ZNF716: variants seen among roughly 807,000 people sequenced by gnomAD.
The protein encoded by ZNF716 is zinc finger protein 716.
In ZNF716, 9 loss-of-function variants were observed where a neutral mutation model predicts 13.4. That is an observed-to-expected ratio of 0.67 (90% CI 0.41 to 1.18). The LOEUF is 1.18. Among genes scored for constraint, ZNF716 ranks in the 50% most tolerant of loss-of-function variants. The pLI is 0.01. For missense variants in ZNF716, 581 were observed against 576.6 expected (o/e 1.01, Z -0.08); for synonymous variants, 186 against 195.2 (o/e 0.95, Z 0.39).
rs1554324631 is a variant in ZNF716 at position 57,469,053 on chromosome 7, T to C, written c.592T>C (p.Ser198Pro). Residue 198 changes from serine (S) to proline (P), a missense_variant, in exon 4 of 4, where the codon TCA (serine) becomes CCA (proline). Ser to Pro is a moderately conservative substitution (Grantham distance 74, BLOSUM62 -1). Transcript: ENST00000420713. ...KNDGKSFCML[S>P]RLNQHQIIHT... ...CGATGGCAAATCATTTTGCATGCTT[T>C]CACGCCTAAATCAACATCAGATAAT... 4 of 1,607,528 alleles carry C rather than the reference T, an allele frequency of 2.5e-6. No individual in the cohort carries two copies. Among genetic ancestry groups the C allele is most frequent in the Middle Eastern group, 1.6e-4 (1 of 6,080 alleles).
At chr7:57,452,105 T>C (rs1554321638) in intron 1 of ZNF716, among the ~76,000 whole-genome samples, 1 of 152,198 alleles carries the variant, frequency 6.6e-6, no homozygotes, top group Admixed American at 6.5e-5. Flanking sequence ...TCAACCATTC[T>C]GTTCTCACAG....
rs149866687 is a variant in ZNF716 at position 57,452,978 on chromosome 7, G to A, written c.39+2651G>A. Among the ~76,000 whole-genome samples the A allele has an allele frequency of 1.8e-3, 279 of 152,132 alleles. 3 individuals are homozygous for A. Among genetic ancestry groups the A allele is most frequent in the African/African-American group, 6.1e-3 (254 of 41,512 alleles). ...CAAATGGATGCCTGGGGCTGAGAGT[G>A]ATCTCCTGGTATACTCTTCCTGTAA... On this transcript the variant is annotated intron_variant, in intron 1 of 3. Transcript: ENST00000420713.
rs147515541 is a variant in ZNF716, at chr7:57,462,002, A to G, written c.40-458A>G. On this transcript the variant is annotated intron_variant, in intron 1 of 3. Transcript: ENST00000420713. ...TTGTGAAACCCTGTCTCTACTAAAAATACAAAAATTAGCCAGGCATGGTGG... is the reference window on the plus strand; with the variant it reads ...TTGTGAAACCCTGTCTCTACTAAAAGTACAAAAATTAGCCAGGCATGGTGG... Among the ~76,000 whole-genome samples, 1,129 of 152,122 alleles carry G rather than the reference A, an allele frequency of 7.4e-3. 14 individuals carry two copies. Among genetic ancestry groups the G allele is most frequent in the African/African-American group, 0.026 (1,078 of 41,488 alleles).
rs151160925 is a variant in ZNF716 at position 57,452,629 on chromosome 7, C to A, written c.39+2302C>A. 2.5e-3 allele frequency among the ~76,000 whole-genome samples: 383 copies of A among 152,140 alleles called. 4 individuals carry two copies. The highest frequency in any genetic ancestry group is 8.7e-3 in the African/African-American group (363 of 41,500). On this transcript the variant is annotated intron_variant, in intron 1 of 3. Coordinates refer to ENST00000420713, the MANE Select transcript of ZNF716 (RefSeq NM_001159279.1). Reference sequence around the variant, plus strand: ...CTCCAACCTGGACAACAGATTGAGACTCTGTCTCAGAAAGAAAAAAAAAGA... The same window carrying A: ...CTCCAACCTGGACAACAGATTGAGAATCTGTCTCAGAAAGAAAAAAAAAGA...
chr7:57,469,735 A>G lies in ZNF716; in HGVS notation c.1274A>G (p.Lys425Arg). ...KAFNCSSTLK[K>R]HKIIHTGEKL... Reference sequence around the variant, plus strand: ...TTTAACTGCTCCTCAACCCTTAAGAAACATAAGATAATTCATACTGGAGAG... The same window carrying G: ...TTTAACTGCTCCTCAACCCTTAAGAGACATAAGATAATTCATACTGGAGAG... Residue 425 changes from lysine to arginine, a missense_variant, in exon 4 of 4, where the codon AAA becomes AGA. Physicochemically the swap from Lys to Arg is conservative, Grantham distance 26. Transcript: ENST00000420713. The G allele has an allele frequency of 1.2e-6, 2 of 1,612,868 alleles. No homozygotes were observed. The highest frequency in any genetic ancestry group is 1.7e-6 in the Non-Finnish European group (2 of 1,179,450).
chr7:57,462,407 A>G, intron 1 of ZNF716, 53 bp from the exon 2 acceptor site: 1 of 1,583,754 alleles, frequency 6.3e-7, no homozygotes, highest in South Asian at 1.1e-5. Context: ...CAACATGGTA[A>G]CTGTTTGTGT....
chr7:57,454,915 A>C (rs2116405197), intron 1 of ZNF716, among the ~76,000 whole-genome samples: 1 of 152,140 alleles, frequency 6.6e-6, no homozygotes, highest in South Asian at 2.1e-4. Context: ...AGTCCCAGCT[A>C]CTTGGGAGGC....
chr7:57,455,941 T>G (rs1198771398), intron 1 of ZNF716, among the ~76,000 whole-genome samples: 1 of 148,940 alleles, frequency 6.7e-6, no homozygotes, highest in Non-Finnish European at 1.5e-5. Context: ...GTTTTTTTTG[T>G]TTTTTTGTTT....
intron 3 of ZNF716, among the ~76,000 whole-genome samples, chr7:57,464,440 C>T (rs1191820809): frequency 6.6e-6 from 1 of 151,974 alleles, no homozygotes; most frequent in Non-Finnish European, 1.5e-5. Context: ...ATTTCTAAAT[C>T]ATGTAATTCA....
At chr7:57,462,844 C>CA (rs782214206) in intron 2 of ZNF716, among the ~76,000 whole-genome samples, 3 of 152,118 alleles carry the variant, frequency 2.0e-5, no homozygotes, top group Non-Finnish European at 2.9e-5. Flanking sequence ...TCATTGCCCA[C>CA]AATTTAGAAT....
At chr7:57,450,505 C>T (rs1789467017) in intron 1 of ZNF716, among the ~76,000 whole-genome samples, 178 bp downstream of exon 1, 1 of 152,092 alleles carries the variant, frequency 6.6e-6, no homozygotes, top group South Asian at 2.1e-4. Flanking sequence ...CCTGGGCCAG[C>T]GGCTGGGACC....
At chr7:57,459,861 T>G (rs537069047) in intron 1 of ZNF716, among the ~76,000 whole-genome samples, 12 of 152,266 alleles carry the variant, frequency 7.9e-5, no homozygotes, top group Non-Finnish European at 1.8e-4. Flanking sequence ...TCATTGCTCT[T>G]AAATCTTTTC....
chr7:57,453,665 T>C (rs1179258055), intron 1 of ZNF716, among the ~76,000 whole-genome samples: 1 of 152,206 alleles, frequency 6.6e-6, no homozygotes, highest in Non-Finnish European at 1.5e-5. Context: ...TTGCGAATAT[T>C]ACCAAGGGAG....
At chr7:57,466,447 TC>T (rs1789817166) in intron 3 of ZNF716, among the ~76,000 whole-genome samples, 1 of 151,532 alleles carries the variant, frequency 6.6e-6, no homozygotes, top group Non-Finnish European at 1.5e-5. Context: ...CTTGGCACAA[TC>T]CCCTTGGTAA....
intron 1 of ZNF716, among the ~76,000 whole-genome samples, chr7:57,456,116 C>T (rs12666879): frequency 0.036 from 5,475 of 151,860 alleles, 314 homozygotes; most frequent in East Asian, 0.24. Flanking sequence ...CCACCATGCC[C>T]GGCTAATTTT....
chr7:57,466,350 A>T (rs1473022463), intron 3 of ZNF716, among the ~76,000 whole-genome samples: 9 of 152,042 alleles, frequency 5.9e-5, no homozygotes, highest in African/African-American at 2.2e-4. Flanking sequence ...TTCCCTCCAA[A>T]TCTCATGTTG....
At chr7:57,460,731 T>G (rs1261668024) in intron 1 of ZNF716, among the ~76,000 whole-genome samples, 7 of 152,068 alleles carry the variant, frequency 4.6e-5, no homozygotes, top group African/African-American at 1.2e-4. Flanking sequence ...ACAGTTGTCT[T>G]TGGTATTAGT....
rs572551399 is a variant in ZNF716, at chr7:57,462,026, G to T, written c.40-434G>T. Among the ~76,000 whole-genome samples the T allele has an allele frequency of 4.2e-4, 64 of 152,098 alleles. No individual in the cohort carries two copies. The South Asian group carries it at 5.4e-3, about 13-fold the overall frequency. On this transcript the variant is annotated intron_variant, in intron 1 of 3. Coordinates refer to ENST00000420713, the MANE Select transcript of ZNF716 (RefSeq NM_001159279.1). ...AATACAAAAATTAGCCAGGCATGGTGGCTCATGCCTGTAGTCCCAGCTACT... is the reference window on the plus strand; with the variant it reads ...AATACAAAAATTAGCCAGGCATGGTTGCTCATGCCTGTAGTCCCAGCTACT...
At chr7:57,457,802 C>G (rs1486149696) in intron 1 of ZNF716, among the ~76,000 whole-genome samples, 7 of 152,136 alleles carry the variant, frequency 4.6e-5, no homozygotes, top group African/African-American at 1.7e-4. Flanking sequence ...TTTTCTTCAT[C>G]CTCCAACCCT....
Sources: allele counts gnomAD v4.1 joint callset (sites outside exome capture counted in the v4.1 genomes callset), GRCh38; gene constraint gnomAD v4.1.1; transcripts MANE v1.5; gene names NCBI Gene and HGNC (gene_info 2026-07-23, HGNC 2026-07-21).